The following CORO2B variants were observed in gnomAD, a reference collection of about 807,000 sequenced individuals.
The protein encoded by CORO2B is coronin-2B.
Under a neutral mutation model 58.8 loss-of-function variants are expected in CORO2B, and 26 were observed. That is an observed-to-expected ratio of 0.44 (90% CI 0.32 to 0.61). The LOEUF (loss-of-function observed/expected upper bound fraction) is 0.61. Among genes scored for constraint, CORO2B ranks in the 20% least tolerant of loss-of-function variants. The pLI is 0.04. For synonymous variants in CORO2B, 242 were observed against 253.8 expected (o/e 0.95, Z 0.44); for missense variants, 460 against 645.1 (o/e 0.71, Z 3.11).
At chr15:68,700,523 C>T (rs1373375137) in intron 3 of CORO2B, among the ~76,000 whole-genome samples, 1 of 152,062 alleles carries the variant, frequency 6.6e-6, no homozygotes, top group Non-Finnish European at 1.5e-5. Flanking sequence ...GGAGGAGGTC[C>T]TCTGGAGTCT....
the CORO2B span, among the ~76,000 whole-genome samples, chr15:68,542,089 T>C: frequency 2.0e-5 from 3 of 152,208 alleles, no homozygotes. Context: ...AGGTCTGGTG[T>C]CTTGAAAATC....
chr15:68,657,320 C>A (rs951229561), intron 2 of CORO2B, among the ~76,000 whole-genome samples: 3 of 151,970 alleles, frequency 2.0e-5, no homozygotes, highest in African/African-American at 7.3e-5. Context: ...AGCTTGGGAC[C>A]AACCTGGGCA....
intron 3 of CORO2B, among the ~76,000 whole-genome samples, chr15:68,699,119 C>T (rs1259203687): frequency 2.6e-5 from 4 of 151,990 alleles, no homozygotes; most frequent in African/African-American, 7.3e-5. Flanking sequence ...ATATACAGTG[C>T]GCTTAGAAAA....
At chr15:68,541,719 G>A in the CORO2B span, among the ~76,000 whole-genome samples, 2 of 152,330 alleles carry the variant, frequency 1.3e-5, no homozygotes, top group Non-Finnish European at 2.9e-5. Flanking sequence ...CCCCGCATGA[G>A]CTTCTGGTGC....
intron 1 of CORO2B, among the ~76,000 whole-genome samples, chr15:68,604,314 A>G (rs571201627): frequency 1.3e-5 from 2 of 152,100 alleles, no homozygotes; most frequent in Admixed American, 6.5e-5. Context: ...TCCATTCTTC[A>G]TGGTCAGCCC....
At chr15:68,689,712 T>C (rs1382829244) in intron 2 of CORO2B, among the ~76,000 whole-genome samples, 2 of 152,224 alleles carry the variant, frequency 1.3e-5, no homozygotes, top group Admixed American at 1.3e-4. Context: ...TATGTGGGAC[T>C]TGGGGAGAAG....
the CORO2B span, among the ~76,000 whole-genome samples, chr15:68,568,599 C>T: frequency 1.3e-5 from 2 of 152,134 alleles, no homozygotes; most frequent in Non-Finnish European, 2.9e-5. Context: ...AGTACCAATC[C>T]CTTATGTCAA....
the CORO2B span, among the ~76,000 whole-genome samples, chr15:68,566,217 A>T: frequency 6.6e-6 from 1 of 152,182 alleles, no homozygotes; most frequent in African/African-American, 2.4e-5. Context: ...GTGGAGATGC[A>T]GCTGATGTGT....
chr15:68,599,390 C>G (rs1366716672), intron 1 of CORO2B, among the ~76,000 whole-genome samples: 1 of 152,152 alleles, frequency 6.6e-6, no homozygotes, highest in East Asian at 1.9e-4. Context: ...GTGCCTGGCC[C>G]TATAGATGTT....
intron 1 of CORO2B, among the ~76,000 whole-genome samples, chr15:68,596,889 T>C (rs1184290140): frequency 6.6e-6 from 1 of 152,100 alleles, no homozygotes; most frequent in East Asian, 1.9e-4. Flanking sequence ...CACTCTGGCC[T>C]CCTGACCTGG....
At chr15:68,694,579 G>A (rs1017707664) in intron 2 of CORO2B, among the ~76,000 whole-genome samples, 2 of 152,186 alleles carry the variant, frequency 1.3e-5, no homozygotes, top group African/African-American at 2.4e-5. Context: ...AGAATGGCTC[G>A]TGTAAGAGTA....
In CORO2B at chr15:68,579,074, G is replaced by T; in HGVS notation, c.-189G>T. 1.0e-6 allele frequency: 1 copy of T among 983,710 alleles called. No homozygotes were observed. Among genetic ancestry groups the T allele is most frequent in the Non-Finnish European group, 1.2e-6 (1 of 829,282 alleles). 60.9% of individuals were successfully genotyped at this position (983,710 alleles called of 1,614,324 possible). A position where few individuals can be genotyped will look rare whatever the true frequency, so the allele number is the denominator to read the frequency against. The stretch of plus-strand genomic sequence containing the variant: ...GGGGCTGACATCAGCGACGAGCGGC[G>T]GGCGAGCGCCGACGAGCGGTCCCTG... On this transcript the variant is annotated 5_prime_UTR_variant, in exon 1 of 12. Transcript: ENST00000261861.
intron 11 of CORO2B, among the ~76,000 whole-genome samples, chr15:68,719,911 G>A (rs1056293233): frequency 1.3e-5 from 2 of 152,176 alleles, no homozygotes; most frequent in African/African-American, 2.4e-5. Context: ...TGCCTCCCTC[G>A]CTGGCGTTGC....
the CORO2B span, among the ~76,000 whole-genome samples, chr15:68,566,082 C>T: frequency 3.2e-3 from 486 of 152,328 alleles, 1 homozygote; most frequent in African/African-American, 0.011. Context: ...CCCATGCCTG[C>T]GTGCCCTGCC....
At chr15:68,696,490 AGTGAGCTGAGATC>A (rs905026239) in intron 3 of CORO2B, among the ~76,000 whole-genome samples, 1 of 146,258 alleles carries the variant, frequency 6.8e-6, no homozygotes, top group Non-Finnish European at 1.5e-5. Context: ...CGGAGGTTGC[AGTGAGCTGAGATC>A]GTGCCACTGC....
At chr15:68,533,004 A>G in the CORO2B span, among the ~76,000 whole-genome samples, 1 of 152,256 alleles carries the variant, frequency 6.6e-6, no homozygotes, top group East Asian at 1.9e-4. Context: ...ATAATTCAGC[A>G]AAGATCCAAT....
At chr15:68,624,727 C>A (rs1176988701) in intron 1 of CORO2B, among the ~76,000 whole-genome samples, 1 of 151,558 alleles carries the variant, frequency 6.6e-6, no homozygotes, top group Non-Finnish European at 1.5e-5. Context: ...GAGTCTCGCT[C>A]TGTCACCCAG....
At chr15:68,641,282 T>G (rs1259917358) in intron 1 of CORO2B, among the ~76,000 whole-genome samples, 1 of 152,172 alleles carries the variant, frequency 6.6e-6, no homozygotes, top group African/African-American at 2.4e-5. Context: ...TCCCCCAGGA[T>G]GCAGCATCCA....
chr15:68,589,965 C>G (rs550150569), intron 1 of CORO2B, among the ~76,000 whole-genome samples: 1 of 152,080 alleles, frequency 6.6e-6, no homozygotes, highest in African/African-American at 2.4e-5. Context: ...CACAGTGGCC[C>G]GTGACCCCCG....
Sources: gnomAD v4.1 joint callset for allele counts (sites outside exome capture counted in the v4.1 genomes callset) on GRCh38, gnomAD v4.1.1 for gene constraint, MANE v1.5 for transcripts, NCBI Gene and HGNC (gene_info 2026-07-23, HGNC 2026-07-21) for gene names.